The following RBMS3 variants were observed in gnomAD, a reference collection of about 807,000 sequenced individuals.
RBMS3 encodes the protein RNA-binding motif, single-stranded-interacting protein 3.
In RBMS3, 27 loss-of-function variants were observed where a neutral mutation model predicts 66.8. The observed-to-expected ratio is 0.40, with a 90% CI of 0.30 to 0.56. The LOEUF is 0.56. RBMS3 is among the 20% of genes least tolerant of loss of function. RBMS3 has a pLI of 0.40. For missense variants in RBMS3, 513 were observed against 549.5 expected, an observed-to-expected ratio of 0.93 and a Z score of 0.66; for synonymous variants, 188 against 183.0, an observed-to-expected ratio of 1.03 and a Z score of -0.22.
intron 6 of RBMS3, among the ~76,000 whole-genome samples, chr3:29,854,132 C>A (rs2149523570): frequency 6.6e-6 from 1 of 152,238 alleles, no homozygotes; most frequent in Non-Finnish European, 1.5e-5. Context: ...CCAGGGACAC[C>A]TTTCCTGGCA....
rs1027607747 is a variant in RBMS3 at position 30,009,369 on chromosome 3, T to C, written c.*5507T>C. On this transcript the variant is annotated 3_prime_UTR_variant, in exon 15 of 15. Transcript: ENST00000383767. The stretch of plus-strand genomic sequence containing the variant: ...TATTTTATTTCTTATAAAGTATTAA[T>C]TTCTTAAGGGGGTTTGAAATCATTG... The C allele has an allele frequency of 6.6e-6, 1 of 152,268 alleles. No individual in the cohort carries two copies. Among genetic ancestry groups the C allele is most frequent in the South Asian group, 2.1e-4 (1 of 4,820 alleles). 9.4% of individuals were successfully genotyped at this position (152,268 alleles called of 1,614,324 possible).
intron 4 of RBMS3, chr3:29,698,569 A>T (rs1478029323): frequency 1.0e-6 from 1 of 985,310 alleles, no homozygotes; most frequent in East Asian, 1.1e-4. Flanking sequence ...TTTCATAACA[A>T]AATGAGCATG....
intron 4 of RBMS3, chr3:29,730,773 T>G (rs2054096818): frequency 1.4e-6 from 1 of 740,474 alleles, no homozygotes; most frequent in Non-Finnish European, 1.6e-6. Context: ...TTCTCATTTT[T>G]GACCATCAGG....
intron 1 of RBMS3, among the ~76,000 whole-genome samples, chr3:29,425,405 A>C (rs2040917312): frequency 6.6e-6 from 1 of 151,534 alleles, no homozygotes; most frequent in Non-Finnish European, 1.5e-5. Context: ...AATTGTTGGC[A>C]ATATTACTAA....
At chr3:29,774,901 AAAAT>A (rs35901958) in intron 6 of RBMS3, among the ~76,000 whole-genome samples, 80,601 of 151,312 alleles carry the variant, frequency 0.53, 21,771 homozygotes, top group East Asian at 0.77. Context: ...TTATTATTTT[AAAAT>A]AAATAAACAT....
intron 2 of RBMS3, among the ~76,000 whole-genome samples, chr3:29,457,770 C>T (rs1025352447): frequency 6.6e-6 from 1 of 151,612 alleles, no homozygotes; most frequent in African/African-American, 2.4e-5. Context: ...CAATTAAATA[C>T]AGGTTGCTTC....
chr3:29,557,286 C>T (rs947668500), intron 3 of RBMS3, among the ~76,000 whole-genome samples: 2 of 152,102 alleles, frequency 1.3e-5, no homozygotes, highest in Non-Finnish European at 2.9e-5. Context: ...ACTAAAATGA[C>T]CACAGATCCA....
chr3:29,783,429 A>G (rs962422616), intron 6 of RBMS3, among the ~76,000 whole-genome samples: 9 of 152,168 alleles, frequency 5.9e-5, no homozygotes, highest in Non-Finnish European at 1.3e-4. Context: ...TCAGCCAAGA[A>G]TTTTGTATCC....
intron 2 of RBMS3, among the ~76,000 whole-genome samples, chr3:29,477,336 C>T (rs1575943486): frequency 6.6e-6 from 1 of 152,260 alleles, no homozygotes; most frequent in East Asian, 1.9e-4. Flanking sequence ...ACATACTTGA[C>T]TCCCATAGCC....
intron 6 of RBMS3, among the ~76,000 whole-genome samples, chr3:29,797,007 C>A (rs895088628): frequency 1.3e-5 from 2 of 151,998 alleles, no homozygotes; most frequent in African/African-American, 4.8e-5. Context: ...CCACCGAGCC[C>A]GGCCACAATG....
intron 6 of RBMS3, among the ~76,000 whole-genome samples, chr3:29,866,684 C>G (rs562975398): frequency 2.6e-5 from 4 of 152,144 alleles, no homozygotes; most frequent in Non-Finnish European, 5.9e-5. Context: ...TTGCATTTAG[C>G]ATTTAGGTTT....
chr3:29,346,544 C>T (rs2125548618), intron 1 of RBMS3, among the ~76,000 whole-genome samples: 1 of 151,808 alleles, frequency 6.6e-6, no homozygotes, highest in South Asian at 2.1e-4. Context: ...GCTGGGATTA[C>T]AGGTGCCGAC....
intron 6 of RBMS3, among the ~76,000 whole-genome samples, chr3:29,867,581 C>T (rs1481725284): frequency 1.4e-5 from 2 of 147,726 alleles, no homozygotes; most frequent in African/African-American, 5.0e-5. Flanking sequence ...AGCAGGCTAA[C>T]CTGGGCATGT....
At chr3:29,754,186 C>T (rs2055309840) in intron 5 of RBMS3, among the ~76,000 whole-genome samples, 1 of 152,144 alleles carries the variant, frequency 6.6e-6, no homozygotes, top group African/African-American at 2.4e-5. Context: ...CTCCTGACCT[C>T]AAGTGATCCT....
intron 6 of RBMS3, among the ~76,000 whole-genome samples, chr3:29,856,381 G>T (rs1461019699): frequency 6.6e-6 from 1 of 152,234 alleles, no homozygotes; most frequent in Non-Finnish European, 1.5e-5. Context: ...AGCAGCGTAA[G>T]CAGATCTGGG....
At chr3:29,320,218 T>G (rs1373627499) in intron 1 of RBMS3, among the ~76,000 whole-genome samples, 1 of 151,996 alleles carries the variant, frequency 6.6e-6, no homozygotes, top group African/African-American at 2.4e-5. Flanking sequence ...ACTCTCAGAG[T>G]AGACTACGGT....
chr3:29,929,259 T>C (rs898126837), intron 10 of RBMS3, among the ~76,000 whole-genome samples: 7 of 152,206 alleles, frequency 4.6e-5, no homozygotes, highest in Non-Finnish European at 8.8e-5. Flanking sequence ...GCCACTTTGC[T>C]CTATTAGGAT....
chr3:29,901,329 A>C lies in RBMS3; in HGVS notation c.939+1574A>C, dbSNP rs1348523980. On this transcript the variant is annotated intron_variant, in intron 10 of 14. Transcript: ENST00000383767. ...TCTGGAAGGAAACAACCACCTTCTAAAAAATGTGTTCATCCGTAAAGCACT... is the reference window on the plus strand; with the variant it reads ...TCTGGAAGGAAACAACCACCTTCTACAAAATGTGTTCATCCGTAAAGCACT... Among the ~76,000 whole-genome samples, 3 of 151,820 alleles carry C rather than the reference A, an allele frequency of 2.0e-5. No individual in the cohort carries two copies. In the East Asian group the frequency reaches 5.8e-4, roughly 29 times the overall value.
At chr3:29,590,528 T>C (rs943205389) in intron 4 of RBMS3, among the ~76,000 whole-genome samples, 1 of 152,058 alleles carries the variant, frequency 6.6e-6, no homozygotes, top group African/African-American at 2.4e-5. Flanking sequence ...GCCTACTCTG[T>C]CTAGGCAGGG....
Sources: allele counts gnomAD v4.1 joint callset (sites outside exome capture counted in the v4.1 genomes callset), GRCh38; gene constraint gnomAD v4.1.1; transcripts MANE v1.5; gene names NCBI Gene and HGNC (gene_info 2026-07-23, HGNC 2026-07-21).